Variants in SV2C observed in about 807,000 individuals in gnomAD.
SV2C encodes the protein synaptic vesicle glycoprotein 2C.
In SV2C, 49 loss-of-function variants were observed where a neutral mutation model predicts 79.7. The ratio of observed to expected loss-of-function variants is 0.61; its 90% CI spans 0.49 to 0.78. SV2C has a LOEUF of 0.78. SV2C is among the 30% of genes least tolerant of loss of function. SV2C has a pLI of 0.00. For missense variants in SV2C, 833 were observed against 912.9 expected (o/e 0.91, Z 1.13); for synonymous variants, 334 against 333.2 (o/e 1.00, Z -0.03).
intron 4 of SV2C, chr5:76,242,359 T>G: frequency 4.0e-6 from 5 of 1,245,886 alleles, no homozygotes; most frequent in Non-Finnish European, 5.7e-6. Flanking sequence ...CGCGCGGGCT[T>G]TGGTCGGACC....
At chr5:76,309,161 A>G (rs1748315857) in intron 12 of SV2C, among the ~76,000 whole-genome samples, 2 of 152,218 alleles carry the variant, frequency 1.3e-5, no homozygotes. Context: ...AGAACAAGTC[A>G]TGAAGACTCT....
At chr5:75,907,156 C>T in the SV2C span, among the ~76,000 whole-genome samples, 1 of 152,226 alleles carries the variant, frequency 6.6e-6, no homozygotes, top group East Asian at 1.9e-4. Flanking sequence ...AATGACCAAC[C>T]CCTCAAGACT....
In SV2C at chr5:76,158,940, A is replaced by G. The variant is rs1742819190; in HGVS notation, c.580+26610A>G. ...AATCCAGAAACGTATGAAAAGGATT[A>G]TACACCAGGGTGGGATTTATCTCAG... On this transcript the variant is annotated intron_variant, in intron 2 of 12. Coordinates refer to ENST00000502798, the MANE Select transcript of SV2C (RefSeq NM_014979.4). Among the ~76,000 whole-genome samples the G allele has an allele frequency of 2.0e-5, 3 of 152,206 alleles. No individual in the cohort carries two copies. The South Asian group carries it at 6.2e-4, about 32-fold the overall frequency.
intron 2 of SV2C, among the ~76,000 whole-genome samples, chr5:76,187,144 G>C (rs954630650): frequency 2.6e-5 from 4 of 152,148 alleles, no homozygotes; most frequent in Admixed American, 2.0e-4. Context: ...TTAAAAAATT[G>C]CTTCAAATAA....
the SV2C span, among the ~76,000 whole-genome samples, chr5:75,885,494 G>C: frequency 2.0e-5 from 3 of 152,126 alleles, no homozygotes; most frequent in African/African-American, 7.2e-5. Context: ...AACCCACTGT[G>C]AAATCTGCAT....
At chr5:76,243,671 C>T (rs967846110) in intron 4 of SV2C, among the ~76,000 whole-genome samples, 2 of 152,138 alleles carry the variant, frequency 1.3e-5, no homozygotes, top group African/African-American at 2.4e-5. Context: ...TGCCGTGCCC[C>T]GCAGTCTATT....
the SV2C span, among the ~76,000 whole-genome samples, chr5:76,037,408 G>A: frequency 1.4e-4 from 22 of 152,280 alleles, no homozygotes; most frequent in African/African-American, 5.3e-4. Context: ...TGATGGTGAT[G>A]TACAGATGGA....
intron 4 of SV2C, among the ~76,000 whole-genome samples, chr5:76,255,939 T>G (rs1746250836): frequency 6.6e-6 from 1 of 152,206 alleles, no homozygotes; most frequent in Non-Finnish European, 1.5e-5. Context: ...GGAAATACAG[T>G]GTCAGGCCAG....
chr5:75,871,871 TTA>T, the SV2C span, among the ~76,000 whole-genome samples: 27 of 115,964 alleles, frequency 2.3e-4, no homozygotes, highest in African/African-American at 1.0e-3. Context: ...ATATATATTT[TTA>T]TTATTATTAT....
chr5:76,266,994 C>T lies in SV2C; in HGVS notation c.914-18168C>T, dbSNP rs573985721. Among the ~76,000 whole-genome samples the T allele has an allele frequency of 3.9e-5, 6 of 152,312 alleles. No individual in the cohort carries two copies. The East Asian group carries it at 5.8e-4, about 15-fold the overall frequency. ...CAAACTGGGAGGTGGCACCAGCTAG[C>T]AGGCATCTGTTGGTCCTTGCTGGAC... is the stretch of plus-strand genomic sequence containing the variant. On this transcript the variant is annotated intron_variant, in intron 4 of 12. Transcript: ENST00000502798.
At chr5:76,248,697 C>T (rs1433474267) in intron 4 of SV2C, among the ~76,000 whole-genome samples, 2 of 151,520 alleles carry the variant, frequency 1.3e-5, no homozygotes, top group African/African-American at 2.4e-5. Flanking sequence ...TGGCTCACTG[C>T]AACCTCCACC....
chr5:75,852,550 T>C, the SV2C span, among the ~76,000 whole-genome samples: 141 of 152,252 alleles, frequency 9.3e-4, no homozygotes, highest in Non-Finnish European at 5.1e-4. Context: ...ATTTCATATG[T>C]AGTAAAAATA....
intron 4 of SV2C, among the ~76,000 whole-genome samples, chr5:76,243,196 A>G (rs1023886818): frequency 6.6e-6 from 1 of 152,174 alleles, no homozygotes; most frequent in Non-Finnish European, 1.5e-5. Flanking sequence ...ACACAGAGCT[A>G]TAATATACTT....
the SV2C span, among the ~76,000 whole-genome samples, chr5:75,931,290 G>T: frequency 3.9e-5 from 6 of 152,106 alleles, no homozygotes; most frequent in Non-Finnish European, 8.8e-5. Flanking sequence ...GAAATGCTCC[G>T]GAGAAGAAAG....
the SV2C span, among the ~76,000 whole-genome samples, chr5:75,887,227 A>G: frequency 6.6e-6 from 1 of 152,198 alleles, no homozygotes; most frequent in Middle Eastern, 3.4e-3. Flanking sequence ...AACACTTAAA[A>G]TCTACTCTTT....
chr5:76,303,479 A>G (rs1748078321), intron 12 of SV2C, among the ~76,000 whole-genome samples: 1 of 152,186 alleles, frequency 6.6e-6, no homozygotes, highest in African/African-American at 2.4e-5. Flanking sequence ...AAATAATAAA[A>G]TAAAATAACC....
the SV2C span, among the ~76,000 whole-genome samples, chr5:76,052,888 TAATC>T: frequency 1.3e-5 from 2 of 150,810 alleles, no homozygotes; most frequent in Admixed American, 1.3e-4. Flanking sequence ...TTATATATAA[TAATC>T]TACTATTATA....
chr5:76,314,604 A>T (rs1200268670), intron 12 of SV2C, among the ~76,000 whole-genome samples: 2 of 152,192 alleles, frequency 1.3e-5, no homozygotes, highest in African/African-American at 4.8e-5. Context: ...TGGAAATTTT[A>T]AATGATCTCA....
At chr5:75,858,772 CTTG>C in the SV2C span, among the ~76,000 whole-genome samples, 1 of 152,116 alleles carries the variant, frequency 6.6e-6, no homozygotes, top group Non-Finnish European at 1.5e-5. Context: ...TGGCTTCAAT[CTTG>C]TTGCTTGTTA....
Sources: gnomAD v4.1 joint callset for allele counts (sites outside exome capture counted in the v4.1 genomes callset) on GRCh38, gnomAD v4.1.1 for gene constraint, MANE v1.5 for transcripts, NCBI Gene and HGNC (gene_info 2026-07-23, HGNC 2026-07-21) for gene names.